The following SUPT3H variants were observed in gnomAD, a reference collection of about 807,000 sequenced individuals.
SUPT3H encodes the protein transcription initiation protein SPT3 homolog.
A neutral mutation model predicts 44.3 loss-of-function variants in SUPT3H; 44 were observed. The observed-to-expected ratio is 0.99, with a 90% CI of 0.78 to 1.28. The LOEUF (loss-of-function observed/expected upper bound fraction) is 1.28, where lower values mean the gene tolerates loss of function less well. Ranked by LOEUF, SUPT3H falls within the 50% of genes most tolerant of loss-of-function variation. The pLI is 0.00. For missense variants in SUPT3H, 380 were observed against 387.1 expected, an observed-to-expected ratio of 0.98 and a Z score of 0.15; for synonymous variants, 124 against 125.6, an observed-to-expected ratio of 0.99 and a Z score of 0.09.
chr6:45,194,201 A>G (rs902116592), intron 2 of SUPT3H, among the ~76,000 whole-genome samples: 2 of 152,280 alleles, frequency 1.3e-5, no homozygotes, highest in Non-Finnish European at 2.9e-5. Context: ...CATTTTTTCC[A>G]TCATCCAAAT....
At chr6:45,179,225 T>C (rs1812634042) in intron 2 of SUPT3H, among the ~76,000 whole-genome samples, 1 of 152,112 alleles carries the variant, frequency 6.6e-6, no homozygotes, top group African/African-American at 2.4e-5. Context: ...GCTGAAATTG[T>C]GTAATAATCA....
intron 10 of SUPT3H, among the ~76,000 whole-genome samples, chr6:44,867,642 C>A (rs1775716110): frequency 6.6e-6 from 1 of 152,094 alleles, no homozygotes; most frequent in South Asian, 2.1e-4. Context: ...AAGTCTATAA[C>A]AAACCTGCAT....
intron 6 of SUPT3H, among the ~76,000 whole-genome samples, chr6:44,995,720 T>C (rs948274677): frequency 3.9e-5 from 6 of 151,956 alleles, no homozygotes; most frequent in African/African-American, 1.2e-4. Flanking sequence ...AAGCATATCC[T>C]TCAGCACCAC....
Position 44,980,556 on chromosome 6 carries a change from G to C in SUPT3H, c.505-18728C>G, listed in dbSNP as rs567898567. Among the ~76,000 whole-genome samples the C allele has an allele frequency of 4.6e-5, 7 of 152,208 alleles. No homozygotes were observed. The South Asian group carries it at 1.2e-3, about 27-fold the overall frequency. ...GATTTTCTTTCTTTCTTCTTGTTTGGTCTAGATGTTAAAATACCCAGCTAC... is the reference window on the plus strand; with the variant it reads ...GATTTTCTTTCTTTCTTCTTGTTTGCTCTAGATGTTAAAATACCCAGCTAC... On this transcript the variant is annotated intron_variant, in intron 6 of 10. Coordinates refer to ENST00000371459, the MANE Select transcript of SUPT3H (RefSeq NM_003599.4).
chr6:44,880,303 C>T (rs537009247), intron 10 of SUPT3H, among the ~76,000 whole-genome samples: 6 of 151,836 alleles, frequency 4.0e-5, no homozygotes, highest in South Asian at 4.2e-4. Context: ...GTAGCCGAAT[C>T]GATCAAGCGG....
At position 45,099,260 on chromosome 6, in the gene SUPT3H, C is replaced by A. The variant is rs568561780; in HGVS notation, c.186+6662G>T. ...AGCTCATGCCAGAAAACATAGGAAA[C>A]CCTAGCACACTATCAACACTCTGGG... On this transcript the variant is annotated intron_variant, in intron 3 of 10. Coordinates refer to ENST00000371459, the MANE Select transcript of SUPT3H (RefSeq NM_003599.4). The A allele has an allele frequency of 1.0e-4, 18 of 176,204 alleles. No individual in the cohort carries two copies. In the South Asian group the frequency reaches 2.2e-3, roughly 21 times the overall value. 10.9% of individuals were successfully genotyped at this position (176,204 alleles called of 1,614,324 possible).
intron 2 of SUPT3H, among the ~76,000 whole-genome samples, chr6:45,118,063 A>T (rs551348189): frequency 1.3e-5 from 2 of 152,276 alleles, no homozygotes; most frequent in South Asian, 4.1e-4. Flanking sequence ...CATAGCATAC[A>T]TTAAATGATC....
At chr6:44,915,809 C>T (rs1396620887) in intron 10 of SUPT3H, among the ~76,000 whole-genome samples, 2 of 152,066 alleles carry the variant, frequency 1.3e-5, no homozygotes, top group Admixed American at 6.6e-5. Flanking sequence ...CAAGGTGTCC[C>T]GCCTTTCTGG....
At chr6:45,040,775 A>G (rs1317153066) in intron 3 of SUPT3H, among the ~76,000 whole-genome samples, 1 of 152,208 alleles carries the variant, frequency 6.6e-6, no homozygotes, top group Non-Finnish European at 1.5e-5. Flanking sequence ...TGAGGTTGAT[A>G]CGGAAATTCA....
At chr6:45,086,807 C>A (rs930384650) in intron 3 of SUPT3H, among the ~76,000 whole-genome samples, 1 of 151,612 alleles carries the variant, frequency 6.6e-6, no homozygotes, top group Admixed American at 6.6e-5. Context: ...ATATGTTGAA[C>A]GTAAATCTAT....
intron 2 of SUPT3H, among the ~76,000 whole-genome samples, chr6:45,160,637 G>C (rs1382925390): frequency 6.6e-6 from 1 of 151,856 alleles, no homozygotes; most frequent in Non-Finnish European, 1.5e-5. Context: ...CATAAAATTT[G>C]TAAATTTAAG....
intron 3 of SUPT3H, among the ~76,000 whole-genome samples, chr6:45,062,105 A>T (rs1792190676): frequency 6.6e-6 from 1 of 151,876 alleles, no homozygotes; most frequent in Non-Finnish European, 1.5e-5. Flanking sequence ...TATACACCTT[A>T]TCTAGTATTT....
intron 2 of SUPT3H, among the ~76,000 whole-genome samples, chr6:45,227,551 CTATT>C (rs996667044): frequency 2.0e-5 from 3 of 152,176 alleles, no homozygotes; most frequent in African/African-American, 7.2e-5. Flanking sequence ...CCAAAAAAGA[CTATT>C]TATACTTGGA....
intron 2 of SUPT3H, among the ~76,000 whole-genome samples, chr6:45,152,699 C>T (rs957319020): frequency 2.0e-5 from 3 of 152,056 alleles, no homozygotes; most frequent in African/African-American, 7.2e-5. Context: ...ACCATGTTGG[C>T]CAGGCTGGTC....
At chr6:45,363,973 G>A (rs1057200200) in intron 2 of SUPT3H, among the ~76,000 whole-genome samples, 13 of 151,830 alleles carry the variant, frequency 8.6e-5, no homozygotes, top group African/African-American at 3.1e-4. Flanking sequence ...AAATTAGCCG[G>A]GTGTGGTGGC....
intron 2 of SUPT3H, among the ~76,000 whole-genome samples, chr6:45,221,665 T>C (rs1413410084): frequency 1.3e-5 from 2 of 152,200 alleles, no homozygotes; most frequent in Non-Finnish European, 2.9e-5. Flanking sequence ...TAAATTGATA[T>C]ATAAGTTTAA....
downstream of SUPT3H, among the ~76,000 whole-genome samples, chr6:44,822,794 T>A (rs1390443730): frequency 6.6e-6 from 1 of 152,152 alleles, no homozygotes; most frequent in Admixed American, 6.5e-5. Flanking sequence ...CAAAGATTTT[T>A]AAAAAAGGAT....
At chr6:45,116,854 A>G (rs1440400066) in intron 2 of SUPT3H, among the ~76,000 whole-genome samples, 1 of 152,096 alleles carries the variant, frequency 6.6e-6, no homozygotes, top group African/African-American at 2.4e-5. Context: ...TTCCAAAACA[A>G]TGTCTCATGC....
In SUPT3H at chr6:44,970,894, A is replaced by G. The variant is rs1562166112; in HGVS notation, c.505-9066T>C. On this transcript the variant is annotated intron_variant, in intron 6 of 10. Coordinates refer to ENST00000371459, the MANE Select transcript of SUPT3H (RefSeq NM_003599.4). ...TTTCCATCTTGGTTTAGGCAAGATC[A>G]AATTCTCAAGTAGTCAAATATGCAC... Among the ~76,000 whole-genome samples, 5 of 152,316 alleles carry G rather than the reference A, an allele frequency of 3.3e-5. No homozygotes were observed. The South Asian group carries it at 1.0e-3, about 32-fold the overall frequency.
Sources: gnomAD v4.1 joint callset for allele counts (sites outside exome capture counted in the v4.1 genomes callset) on GRCh38, gnomAD v4.1.1 for gene constraint, MANE v1.5 for transcripts, NCBI Gene and HGNC (gene_info 2026-07-23, HGNC 2026-07-21) for gene names.